The following FBXO15 variants were observed in gnomAD, a reference collection of about 807,000 sequenced individuals.
FBXO15 encodes the protein F-box only protein 15.
FBXO15 carries 30 observed loss-of-function variants against 49.5 expected under a neutral mutation model. The observed-to-expected ratio is 0.61, with a 90% CI of 0.45 to 0.82. The LOEUF (loss-of-function observed/expected upper bound fraction) is 0.82, where lower values mean the gene tolerates loss of function less well. FBXO15 is among the 40% of genes least tolerant of loss of function. The pLI, the probability that FBXO15 is intolerant of heterozygous loss-of-function variation, is 0.00. For synonymous variants in FBXO15, 250 were observed against 232.7 expected, an observed-to-expected ratio of 1.07 and a Z score of -0.68; for missense variants, 591 against 631.5, an observed-to-expected ratio of 0.94 and a Z score of 0.69.
chr18:74,093,411 G>T (rs73474850), intron 8 of FBXO15, among the ~76,000 whole-genome samples: 1 of 152,142 alleles, frequency 6.6e-6, no homozygotes. Flanking sequence ...GCCAGTGCAG[G>T]AGCTATGATG....
chr18:74,123,795 A>G (rs750595745), intron 7 of FBXO15, among the ~76,000 whole-genome samples: 7 of 152,152 alleles, frequency 4.6e-5, no homozygotes, highest in Non-Finnish European at 1.0e-4. Context: ...TGGCCACTCT[A>G]TAAAAGCCAC....
chr18:74,109,707 T>C (rs917517566), intron 8 of FBXO15, among the ~76,000 whole-genome samples: 2 of 152,074 alleles, frequency 1.3e-5, no homozygotes, highest in Non-Finnish European at 2.9e-5. Context: ...GAAACTATCA[T>C]TCTCAACAAA....
intron 8 of FBXO15, among the ~76,000 whole-genome samples, chr18:74,118,289 A>G (rs1914318746): frequency 6.6e-6 from 1 of 151,718 alleles, no homozygotes; most frequent in Non-Finnish European, 1.5e-5. Flanking sequence ...GAGCCACCAC[A>G]CCACATCACA....
intron 5 of FBXO15, among the ~76,000 whole-genome samples, chr18:74,128,888 T>C (rs1246311019): frequency 6.6e-6 from 1 of 152,246 alleles, no homozygotes; most frequent in Non-Finnish European, 1.5e-5. Flanking sequence ...ATTGCAGTCA[T>C]ATATGCTAAA....
chr18:74,145,844 C>T (rs1184272147), intron 1 of FBXO15, among the ~76,000 whole-genome samples: 1 of 152,064 alleles, frequency 6.6e-6, no homozygotes, highest in African/African-American at 2.4e-5. Context: ...CAGATCTGCC[C>T]GCCTCCGCCT....
chr18:74,124,811 A>G (rs1032958405), intron 6 of FBXO15, among the ~76,000 whole-genome samples: 3 of 152,250 alleles, frequency 2.0e-5, no homozygotes, highest in African/African-American at 7.2e-5. Context: ...CACAGGACCA[A>G]AAGAACTCAC....
intron 8 of FBXO15, among the ~76,000 whole-genome samples, chr18:74,092,199 T>C (rs972096608): frequency 6.6e-6 from 1 of 152,222 alleles, no homozygotes; most frequent in African/African-American, 2.4e-5. Context: ...CTGAAATTCT[T>C]GAAGTGAGTT....
At chr18:74,099,937 A>T (rs905645561) in intron 8 of FBXO15, 1 of 152,210 alleles carries the variant, frequency 6.6e-6, no homozygotes, top group African/African-American at 2.4e-5. Flanking sequence ...TAGACCTAAG[A>T]AATGAGATAC....
intron 9 of FBXO15, 22 bp from the exon 10 acceptor site, chr18:74,073,752 A>T: frequency 6.3e-7 from 1 of 1,594,100 alleles, no homozygotes; most frequent in Non-Finnish European, 8.6e-7. Context: ...ACACAGATTG[A>T]CAAGGATAAA....
At position 74,081,215 on chromosome 18, in the gene FBXO15, T is replaced by C. The variant is rs112142409; in HGVS notation, c.1263+712A>G. On this transcript the variant is annotated intron_variant, in intron 9 of 9. Transcript: ENST00000419743. ...ATAGTTCTAACAAGGTGCGCATGCA[T>C]AGCGCCGTATAAAGCCATGTTACAG... Among the ~76,000 whole-genome samples, 606 of 152,292 alleles carry C rather than the reference T, an allele frequency of 4.0e-3. 4 individuals are homozygous for C. Among genetic ancestry groups the C allele is most frequent in the Non-Finnish European group, 6.6e-3 (451 of 68,026 alleles).
At chr18:74,102,335 CCAA>C (rs1234517553) in intron 8 of FBXO15, among the ~76,000 whole-genome samples, 5 of 151,924 alleles carry the variant, frequency 3.3e-5, no homozygotes, top group African/African-American at 1.2e-4. Context: ...ATACAAATGG[CCAA>C]CAAACACAAA....
chr18:74,105,123 G>A (rs1390295122), intron 8 of FBXO15, among the ~76,000 whole-genome samples: 1 of 152,132 alleles, frequency 6.6e-6, no homozygotes, highest in African/African-American at 2.4e-5. Flanking sequence ...TGTATCTCAT[G>A]AAGACAGAGA....
rs116289718 is a variant in FBXO15 at position 74,081,097 on chromosome 18, G to A, written c.1263+830C>T. ...TTAAACATTTGCTATGAATAAATAG[G>A]ATTTGTAAAATATCTCATTGCATCA... is the stretch of plus-strand genomic sequence containing the variant. On this transcript the variant is annotated intron_variant, in intron 9 of 9. Transcript: ENST00000419743. Among the ~76,000 whole-genome samples, 530 of 152,260 alleles carry A rather than the reference G, an allele frequency of 3.5e-3. 2 individuals are homozygous for A. Among genetic ancestry groups the A allele is most frequent in the African/African-American group, 0.012 (509 of 41,546 alleles).
intron 8 of FBXO15, among the ~76,000 whole-genome samples, chr18:74,103,816 C>A (rs1373614093): frequency 6.6e-6 from 1 of 152,110 alleles, no homozygotes; most frequent in Non-Finnish European, 1.5e-5. Flanking sequence ...GTATCTCCCA[C>A]ACAAACAAAA....
intron 5 of FBXO15, among the ~76,000 whole-genome samples, chr18:74,129,089 A>T (rs8096448): frequency 0.18 from 26,773 of 152,122 alleles, 2,643 homozygotes; most frequent in East Asian, 0.27. Flanking sequence ...AAGGAAGATA[A>T]CATATATCTT....
Position 74,126,049 on chromosome 18 carries a change from A to C in FBXO15, c.838T>G (p.Ser280Ala). ...AGTCTGTCACAGCCAATCATGGTAG[A>C]TATGGTCAAATGACTCAGATTGTAC... ...AKYNLSHLTI[S>A]TMIGCDRLIR... Residue 280 changes from serine to alanine, a missense_variant, in exon 6 of 10, where the codon TCT becomes GCT. Physicochemically the swap from Ser to Ala is moderately conservative, Grantham distance 99. Transcript: ENST00000419743. 1 of 1,614,076 alleles carries C rather than the reference A, an allele frequency of 6.2e-7. No homozygotes were observed. Among genetic ancestry groups the C allele is most frequent in the African/African-American group, 1.3e-5 (1 of 75,016 alleles).
chr18:74,126,245 G>T (rs1914705914), intron 5 of FBXO15, 144 bp from the exon 6 acceptor site: 1 of 1,085,074 alleles, frequency 9.2e-7, no homozygotes, highest in Non-Finnish European at 1.3e-6. Flanking sequence ...GGCAGGGTGA[G>T]GACACAAATG....
chr18:74,112,047 A>T (rs1012362961), intron 8 of FBXO15, among the ~76,000 whole-genome samples: 1 of 152,346 alleles, frequency 6.6e-6, no homozygotes, highest in East Asian at 1.9e-4. Flanking sequence ...TCAATAATTA[A>T]TAACCTTGTA....
chr18:74,087,312 T>G (rs1350326801), intron 8 of FBXO15, among the ~76,000 whole-genome samples: 1 of 152,094 alleles, frequency 6.6e-6, no homozygotes, highest in East Asian at 1.9e-4. Flanking sequence ...TTGCAGGGGT[T>G]TGTAGAGATT....
Sources: gnomAD v4.1 joint callset for allele counts (sites outside exome capture counted in the v4.1 genomes callset) on GRCh38, gnomAD v4.1.1 for gene constraint, MANE v1.5 for transcripts, NCBI Gene and HGNC (gene_info 2026-07-23, HGNC 2026-07-21) for gene names.